Variants in ZNF561 observed in about 807,000 individuals in gnomAD.
ZNF561 encodes the protein zinc finger protein 561.
A neutral mutation model predicts 16.7 loss-of-function variants in ZNF561; 16 were observed. The observed-to-expected ratio is 0.96, with a 90% CI of 0.65 to 1.45. ZNF561 has a LOEUF of 1.45. Among genes scored for constraint, ZNF561 ranks in the 40% most tolerant of loss-of-function variants. ZNF561 has a pLI of 0.00. For synonymous variants in ZNF561, 190 were observed against 192.1 expected (o/e 0.99, Z 0.09); for missense variants, 580 against 578.0 (o/e 1.00, Z -0.04).
At position 9,610,070 on chromosome 19, in the gene ZNF561, G is replaced by A; in HGVS notation, c.*130C>T. 1.2e-6 allele frequency: 1 copy of A among 811,514 alleles called. No individual in the cohort carries two copies. Among genetic ancestry groups the A allele is most frequent in the Non-Finnish European group, 1.9e-6 (1 of 533,540 alleles). 50.3% of individuals were successfully genotyped at this position (811,514 alleles called of 1,614,324 possible). On this transcript the variant is annotated 3_prime_UTR_variant, in exon 6 of 6. Coordinates refer to ENST00000302851, the MANE Select transcript of ZNF561 (RefSeq NM_152289.3). Reference sequence around the variant, plus strand: ...ATGATGTTGTATTCAGAACCTGTAGGTTTAATTTCAGACCCTCAGGATGGT... The same window carrying A: ...ATGATGTTGTATTCAGAACCTGTAGATTTAATTTCAGACCCTCAGGATGGT...
chr19:9,609,404 G>A lies in ZNF561; in HGVS notation c.*796C>T, dbSNP rs1254985593. 1 of 152,100 alleles carries A rather than the reference G, an allele frequency of 6.6e-6. No individual in the cohort carries two copies. The highest frequency in any genetic ancestry group is 1.5e-5 in the Non-Finnish European group (1 of 68,014). 9.4% of individuals were successfully genotyped at this position (152,100 alleles called of 1,614,324 possible). A position where few individuals can be genotyped will look rare whatever the true frequency, so the allele number is the denominator to read the frequency against. ...AATGCAAAAGGAGACCTGAATTGCA[G>A]AAAAAATTGTTAAGGAAAAAGGAAC... On this transcript the variant is annotated 3_prime_UTR_variant, in exon 6 of 6. Transcript: ENST00000302851.
chr19:9,611,231 T>G lies in ZNF561; in HGVS notation c.430A>C (p.Asn144His). Residue 144 changes from asparagine to histidine, a missense_variant, in exon 6 of 6, where the codon AAT (asparagine) becomes CAT (histidine). By Grantham distance (68) the Asn-to-His change is moderately conservative. Coordinates refer to ENST00000302851, the MANE Select transcript of ZNF561 (RefSeq NM_152289.3). ...KTHMRVQNGG[N>H]TSEGNCYGKD... Reference sequence around the variant, plus strand: ...CCATAACAATTACCCTCAGAAGTATTCCCTCCATTCTGAACTCTCATGTGT... The same window carrying G: ...CCATAACAATTACCCTCAGAAGTATGCCCTCCATTCTGAACTCTCATGTGT... 6.2e-7 allele frequency: 1 copy of G among 1,613,950 alleles called. No individual in the cohort carries two copies. The highest frequency in any genetic ancestry group is 8.5e-7 in the Non-Finnish European group (1 of 1,179,884).
Position 9,611,245 on chromosome 19 carries a change from A to C in ZNF561, c.416T>G (p.Val139Gly), listed in dbSNP as rs891211825. 5 of 1,613,626 alleles carry C rather than the reference A, an allele frequency of 3.1e-6. No homozygotes were observed. In the Admixed American group the frequency reaches 8.3e-5, roughly 27 times the overall value. Residue 139 changes from valine (V) to glycine (G), a missense_variant, in exon 6 of 6, where the codon GTT (valine) becomes GGT (glycine). By Grantham distance (109) the Val-to-Gly change is moderately radical (BLOSUM62 -3). Transcript: ENST00000302851. ...EQFCLKTHMR[V>G]QNGGNTSEGN... ...CTCAGAAGTATTCCCTCCATTCTGA[A>C]CTCTCATGTGTGTCTTAAGGCAAAA...
chr19:9,610,911 C>A lies in ZNF561; in HGVS notation c.750G>T (p.Lys250Asn), dbSNP rs750532555. ...CACATTTCTTAGTCTTTTTGGATTT[C>A]TTTCCTGTATGAACTGCTACACACT... The part of the protein sequence containing the change: ...LKQCVAVHTG[K>N]KSKKTKKCGK... The change falls in exon 6 of 6, where the codon AAG becomes AAT. Residue 250 changes from lysine to asparagine, a missense_variant. Physicochemically the swap from Lys to Asn is moderately conservative, Grantham distance 94. Coordinates refer to ENST00000302851, the MANE Select transcript of ZNF561 (RefSeq NM_152289.3). 1 of 1,614,106 alleles carries A rather than the reference C, an allele frequency of 6.2e-7. No homozygotes were observed. Among genetic ancestry groups the A allele is most frequent in the South Asian group, 1.1e-5 (1 of 91,082 alleles).
chr19:9,619,482 G>A lies in ZNF561; in HGVS notation c.-26C>T, dbSNP rs1012161836. The A allele has an allele frequency of 1.2e-5, 20 of 1,612,304 alleles. No individual in the cohort carries two copies. In the African/African-American group the frequency reaches 1.7e-4, roughly 14 times the overall value. ...TCTCTGAAGCTGATGGTGTGATGAT[G>A]TGCATCCCTTCCTTGATGCCAAGAT... On this transcript the variant is annotated 5_prime_UTR_variant, in exon 2 of 6. Transcript: ENST00000302851.
chr19:9,612,530 T>C (rs565626798), intron 5 of ZNF561, among the ~76,000 whole-genome samples: 84 of 152,208 alleles, frequency 5.5e-4, no homozygotes, highest in Non-Finnish European at 9.9e-4. Context: ...AATTTATTTT[T>C]ATAGAGACAA....
chr19:9,620,502 A>T (rs2074651689), intron 1 of ZNF561, among the ~76,000 whole-genome samples: 1 of 152,162 alleles, frequency 6.6e-6, no homozygotes, highest in Non-Finnish European at 1.5e-5. Flanking sequence ...CTGGGATAAT[A>T]AGCATAAGCC....
rs140681899 is a variant in ZNF561, at chr19:9,611,126, T to A, written c.535A>T (p.Thr179Ser). Residue 179 changes from threonine (T) to serine (S), a missense_variant, in exon 6 of 6, where the codon ACT becomes TCT. Physicochemically the swap from Thr to Ser is moderately conservative, Grantham distance 58. Coordinates refer to ENST00000302851, the MANE Select transcript of ZNF561 (RefSeq NM_152289.3). ...TGTACAGCAAGACCTGGAGTTAGAGTAAAGACTTTTCCACATGGATTAAAT... is the reference window on the plus strand; with the variant it reads ...TGTACAGCAAGACCTGGAGTTAGAGAAAAGACTTTTCCACATGGATTAAAT... ...SKFNPCGKVF[T>S]LTPGLAVHLE... The A allele has an allele frequency of 6.2e-7, 1 of 1,614,044 alleles. No homozygotes were observed. Among genetic ancestry groups the A allele is most frequent in the Non-Finnish European group, 8.5e-7 (1 of 1,179,926 alleles).
At position 9,609,835 on chromosome 19, in the gene ZNF561, C is replaced by T. The variant is rs1484735570; in HGVS notation, c.*365G>A. 3 of 178,912 alleles carry T rather than the reference C, an allele frequency of 1.7e-5. No individual in the cohort carries two copies. The highest frequency in any genetic ancestry group is 4.7e-5 in the African/African-American group (2 of 42,244). 11.1% of individuals were successfully genotyped at this position (178,912 alleles called of 1,614,324 possible). ...TTAACAACCCACCTTTGGGGTCCTA[C>T]ATCATCTTGGCTTCTGGTAAATTTT... On this transcript the variant is annotated 3_prime_UTR_variant, in exon 6 of 6. Coordinates refer to ENST00000302851, the MANE Select transcript of ZNF561 (RefSeq NM_152289.3).
intron 4 of ZNF561, among the ~76,000 whole-genome samples, chr19:9,615,260 C>CT (rs1294521355): frequency 3.3e-5 from 5 of 152,230 alleles, no homozygotes; most frequent in African/African-American, 1.2e-4. Context: ...CAAATTCAGA[C>CT]TTATGTACAC....
At chr19:9,618,479 C>A (rs1388782919) in intron 2 of ZNF561, among the ~76,000 whole-genome samples, 1 of 151,816 alleles carries the variant, frequency 6.6e-6, no homozygotes, top group Non-Finnish European at 1.5e-5. Flanking sequence ...GTAATCCCAG[C>A]ACTTTGGGAG....
rs2074389720 is a variant in ZNF561 at position 9,608,508 on chromosome 19, T to C, written c.*1692A>G. 1.3e-5 allele frequency: 2 copies of C among 152,172 alleles called. No homozygotes were observed. The highest frequency in any genetic ancestry group is 2.4e-5 in the African/African-American group (1 of 41,442). 9.4% of individuals were successfully genotyped at this position (152,172 alleles called of 1,614,324 possible). A position where few individuals can be genotyped will look rare whatever the true frequency, so the allele number is the denominator to read the frequency against. The stretch of plus-strand genomic sequence containing the variant: ...TAACAAATTTGTAAGCCATTTGGTC[T>C]GTGGTATTTTGTGATAGTGGCCTGA... On this transcript the variant is annotated 3_prime_UTR_variant, in exon 6 of 6. Coordinates refer to ENST00000302851, the MANE Select transcript of ZNF561 (RefSeq NM_152289.3).
intron 4 of ZNF561, among the ~76,000 whole-genome samples, chr19:9,614,880 C>A (rs540354960): frequency 6.6e-6 from 1 of 151,372 alleles, no homozygotes; most frequent in South Asian, 2.1e-4. Context: ...ACTCTGTCAC[C>A]CACACTGGAG....
intron 5 of ZNF561, among the ~76,000 whole-genome samples, 168 bp from the exon 6 acceptor site, chr19:9,611,504 T>C (rs1042414980): frequency 6.6e-6 from 1 of 152,090 alleles, no homozygotes; most frequent in Non-Finnish European, 1.5e-5. Flanking sequence ...CTGGAGTGCA[T>C]GGCACACTCT....
chr19:9,610,990 A>T lies in ZNF561; in HGVS notation c.671T>A (p.Leu224His). Residue 224 changes from leucine to histidine, a missense_variant, in exon 6 of 6, where the codon CTC (leucine) becomes CAC (histidine). By Grantham distance (99) the Leu-to-His change is moderately conservative (BLOSUM62 -3). Coordinates refer to ENST00000302851, the MANE Select transcript of ZNF561 (RefSeq NM_152289.3). Reference protein sequence around the residue: ...NHMGIHTDEKLCEFQEYGRAV... With the variant: ...NHMGIHTDEKHCEFQEYGRAV... Reference sequence around the variant, plus strand: ...TCTCCCATATTCCTGAAATTCACAGAGTTTCTCATCAGTGTGGATTCCCAT... The same window carrying T: ...TCTCCCATATTCCTGAAATTCACAGTGTTTCTCATCAGTGTGGATTCCCAT... 6.2e-7 allele frequency: 1 copy of T among 1,614,196 alleles called. No individual in the cohort carries two copies. Among genetic ancestry groups the T allele is most frequent in the Non-Finnish European group, 8.5e-7 (1 of 1,180,044 alleles).
intron 1 of ZNF561, among the ~76,000 whole-genome samples, chr19:9,620,079 T>C (rs2074642167): frequency 6.6e-6 from 1 of 151,688 alleles, no homozygotes; most frequent in African/African-American, 2.4e-5. Context: ...TAGGTGCGTA[T>C]CATCACTCAT....
intron 5 of ZNF561, 30 bp downstream of exon 5, chr19:9,613,991 A>C: frequency 1.2e-6 from 2 of 1,606,156 alleles, no homozygotes; most frequent in South Asian, 2.2e-5. Flanking sequence ...CTAAGAGAGG[A>C]AATTAAGAAA....
chr19:9,610,699 G>C lies in ZNF561; in HGVS notation c.962C>G (p.Ser321Ter). The change falls in exon 6 of 6, where the codon TCA becomes TGA. Residue 321 changes from serine (S) to a stop codon, truncating the protein, a stop_gained. Transcript: ENST00000302851. LOFTEE classifies it low-confidence loss of function (END_TRUNC). ...CTYCGKAFTR[S>*]TQLTEHVRTH... ...TCTTACATGTTCAGTAAGTTGAGTT[G>C]ATCTAGTGAAGGCTTTCCCACAGTA... 1 of 1,614,156 alleles carries C rather than the reference G, an allele frequency of 6.2e-7. No homozygotes were observed. The highest frequency in any genetic ancestry group is 8.5e-7 in the Non-Finnish European group (1 of 1,180,016).
At position 9,611,302 on chromosome 19, in the gene ZNF561, C is replaced by G. The variant is rs374762258; in HGVS notation, c.359G>C (p.Cys120Ser). The G allele has an allele frequency of 6.2e-7, 1 of 1,613,378 alleles. No homozygotes were observed. Among genetic ancestry groups the G allele is most frequent in the Middle Eastern group, 1.6e-4 (1 of 6,062 alleles). ...CCTGAAGACCTCTCCACAATTCTTA[C>G]AGTCACAGAGTTTCCATCCACTGTA... ...RGYSGWKLCD[C>S]KNCGEVFREQ... The change falls in exon 6 of 6, where the codon TGT becomes TCT. Residue 120 changes from cysteine (C) to serine (S), a missense_variant. Physicochemically the swap from Cys to Ser is moderately radical, Grantham distance 112. Transcript: ENST00000302851.
Sources: gnomAD v4.1 joint callset for allele counts (sites outside exome capture counted in the v4.1 genomes callset) on GRCh38, gnomAD v4.1.1 for gene constraint, MANE v1.5 for transcripts, NCBI Gene and HGNC (gene_info 2026-07-23, HGNC 2026-07-21) for gene names.